Variants in AK4 observed in about 807,000 individuals in gnomAD.
AK4 encodes adenylate kinase 4.
In AK4, 13 loss-of-function variants were observed where a neutral mutation model predicts 24.6. That is an observed-to-expected ratio of 0.53 (90% CI 0.34 to 0.84). The LOEUF (loss-of-function observed/expected upper bound fraction) is 0.84. Among genes scored for constraint, AK4 ranks in the 40% least tolerant of loss-of-function variants. The probability of loss-of-function intolerance (pLI) is 0.01; values close to 1 mark genes in which losing one functional copy is unlikely to be tolerated. For missense variants in AK4, 192 were observed against 288.2 expected (o/e 0.67, Z 2.42); for synonymous variants, 88 against 107.0 (o/e 0.82, Z 1.10).
intron 2 of AK4, among the ~76,000 whole-genome samples, chr1:65,214,165 G>A (rs537066638): frequency 6.6e-6 from 1 of 152,316 alleles, no homozygotes; most frequent in South Asian, 2.1e-4. Flanking sequence ...AGGCTGGAGT[G>A]TAGTGGCACG....
At chr1:65,184,599 C>T (rs892334492) in intron 1 of AK4, among the ~76,000 whole-genome samples, 2 of 152,182 alleles carry the variant, frequency 1.3e-5, no homozygotes, top group Admixed American at 1.3e-4. Flanking sequence ...TATGTGTGTC[C>T]ACAGCCTTTC....
chr1:65,185,499 A>C (rs1298986235), intron 1 of AK4, among the ~76,000 whole-genome samples: 1 of 152,070 alleles, frequency 6.6e-6, no homozygotes, highest in Non-Finnish European at 1.5e-5. Flanking sequence ...AGGGCCCCAC[A>C]TCTCTGCAAC....
chr1:65,224,712 A>G (rs1652399558), intron 3 of AK4, 40 bp from the exon 4 acceptor site: 1 of 1,550,720 alleles, frequency 6.4e-7, no homozygotes, highest in African/African-American at 1.4e-5. Context: ...GAAATGGCCC[A>G]ACTGTTGTCT....
chr1:65,211,334 G>A (rs1477993515), intron 2 of AK4, among the ~76,000 whole-genome samples: 2 of 152,234 alleles, frequency 1.3e-5, no homozygotes, highest in Non-Finnish European at 1.5e-5. Flanking sequence ...GTCTGTGCGT[G>A]TAGCACTGGA....
intron 2 of AK4, among the ~76,000 whole-genome samples, chr1:65,201,101 C>CT (rs1342729619): frequency 1.3e-5 from 2 of 152,000 alleles, no homozygotes; most frequent in Non-Finnish European, 2.9e-5. Flanking sequence ...CAGTTTTCAG[C>CT]TTTTTTGCTA....
chr1:65,224,004 ATAAAT>A (rs1652377293), intron 3 of AK4, among the ~76,000 whole-genome samples: 1 of 152,120 alleles, frequency 6.6e-6, no homozygotes, highest in Non-Finnish European at 1.5e-5. Context: ...AAATAAATAA[ATAAAT>A]AAAATAAAAC....
intron 1 of AK4, among the ~76,000 whole-genome samples, chr1:65,151,004 A>G (rs1302139294): frequency 6.6e-6 from 1 of 151,752 alleles, no homozygotes; most frequent in African/African-American, 2.4e-5. Context: ...CCCACACCGG[A>G]GTTCAGTGGC....
Position 65,226,102 on chromosome 1 carries a change from G to C in AK4, c.597G>C (p.Thr199=), listed in dbSNP as rs550508905. 1.2e-6 allele frequency: 2 copies of C among 1,611,654 alleles called. No homozygotes were observed. The highest frequency in any genetic ancestry group is 8.5e-7 in the Non-Finnish European group (1 of 1,179,758). ...GVLHQFSGTE[T]NKIWPYVYTL... ...TCCACCAATTTTCCGGAACGGAGACGAACAAAATCTGGCCCTACGTTTACA... is the reference window on the plus strand; with the variant it reads ...TCCACCAATTTTCCGGAACGGAGACCAACAAAATCTGGCCCTACGTTTACA... Residue 199 remains threonine, a synonymous_variant, in exon 5 of 5, where the codon ACG becomes ACC. Coordinates refer to ENST00000327299, the MANE Select transcript of AK4 (RefSeq NM_013410.4).
chr1:65,205,169 G>T (rs1651777450), intron 2 of AK4, among the ~76,000 whole-genome samples: 1 of 152,052 alleles, frequency 6.6e-6, no homozygotes, highest in Non-Finnish European at 1.5e-5. Context: ...TTTTTGAGTT[G>T]TTCTTGTGTC....
At chr1:65,165,820 T>A (rs192418084) in intron 1 of AK4, 3 of 152,388 alleles carry the variant, frequency 2.0e-5, no homozygotes, top group East Asian at 1.9e-4. Context: ...GATGGCAGTG[T>A]CTGATAGGAC....
intron 2 of AK4, among the ~76,000 whole-genome samples, chr1:65,208,671 G>A (rs528671691): frequency 1.2e-4 from 19 of 152,364 alleles, no homozygotes; most frequent in African/African-American, 3.4e-4. Context: ...GATGTTGGAA[G>A]TTGCCCTTCT....
intron 1 of AK4, among the ~76,000 whole-genome samples, chr1:65,187,488 G>A (rs572926601): frequency 6.6e-6 from 1 of 152,226 alleles, no homozygotes; most frequent in East Asian, 1.9e-4. Context: ...AGTAGTGAAA[G>A]TGTTCTGAAA....
intron 1 of AK4, among the ~76,000 whole-genome samples, chr1:65,161,071 T>C (rs1401056015): frequency 2.0e-5 from 3 of 152,050 alleles, no homozygotes; most frequent in Admixed American, 6.6e-5. Flanking sequence ...ATGTACTTTT[T>C]GTTGTTGTTG....
chr1:65,198,296 A>C (rs973773274), intron 2 of AK4, among the ~76,000 whole-genome samples: 2 of 152,216 alleles, frequency 1.3e-5, no homozygotes, highest in Admixed American at 1.3e-4. Context: ...ATGCCTGCCA[A>C]ATGTGGATTG....
chr1:65,181,072 A>G (rs1410577059), intron 1 of AK4, among the ~76,000 whole-genome samples: 1 of 150,816 alleles, frequency 6.6e-6, no homozygotes, highest in Non-Finnish European at 1.5e-5. Flanking sequence ...TTTTGTGAAC[A>G]TTCGTTCAGC....
At chr1:65,148,175 A>G (rs377591406), upstream of AK4, 16 of 835,590 alleles carry the variant, frequency 1.9e-5, no homozygotes, top group East Asian at 1.6e-4. Context: ...GGAGGTGGAG[A>G]AGGGCGGGGA....
At chr1:65,170,631 C>T (rs912768406) in intron 1 of AK4, among the ~76,000 whole-genome samples, 1 of 152,160 alleles carries the variant, frequency 6.6e-6, no homozygotes, top group Non-Finnish European at 1.5e-5. Context: ...CTAGCTGGAA[C>T]TGCTGTTAGT....
In AK4 at chr1:65,230,269, A is replaced by T. The variant is rs1183793270; in HGVS notation, c.*4092A>T. 2.0e-5 allele frequency: 3 copies of T among 152,172 alleles called. No individual in the cohort carries two copies. The highest frequency in any genetic ancestry group is 6.5e-5 in the Admixed American group (1 of 15,276). The allele number at this position is 152,172 out of a possible 1,614,324, so 9.4% of individuals were successfully genotyped here. The stretch of plus-strand genomic sequence containing the variant: ...TCAGTGAGGAAGGATTCTTGGAGCG[A>T]GGAGCCACTGTGGTTTTTCCTGCTA... On this transcript the variant is annotated 3_prime_UTR_variant, in exon 5 of 5. Transcript: ENST00000327299.
chr1:65,223,987 C>T (rs12735818), intron 3 of AK4, among the ~76,000 whole-genome samples: 42,523 of 151,888 alleles, frequency 0.28, 6,811 homozygotes, highest in East Asian at 0.7. Context: ...AGTGAGACTC[C>T]GTCTTAAAAT....
Sources: allele counts gnomAD v4.1 joint callset (sites outside exome capture counted in the v4.1 genomes callset), GRCh38; gene constraint gnomAD v4.1.1; transcripts MANE v1.5; gene names NCBI Gene and HGNC (gene_info 2026-07-23, HGNC 2026-07-21).